The following MAML1 variants were observed in gnomAD, a reference collection of about 807,000 sequenced individuals.
MAML1 encodes the protein mastermind-like protein 1.
In MAML1, 14 loss-of-function variants were observed where a neutral mutation model predicts 77.1. That is an observed-to-expected ratio of 0.18 (90% confidence interval 0.12 to 0.28). MAML1 has a LOEUF of 0.28. Ranked by LOEUF, MAML1 falls within the 10% of genes least tolerant of loss-of-function variation. The pLI, the probability that MAML1 is intolerant of heterozygous loss-of-function variation, is 1.00. For synonymous variants in MAML1, 516 were observed against 551.9 expected (o/e 0.93, Z 0.91); for missense variants, 1,217 against 1,327.8 (o/e 0.92, Z 1.30).
rs1779811225 is a variant in MAML1, at chr5:179,766,045, A to G, written c.1035A>G (p.Gln345=). The G allele has an allele frequency of 6.3e-7, 1 of 1,589,920 alleles. No homozygotes were observed. The highest frequency in any genetic ancestry group is 1.4e-5 in the African/African-American group (1 of 73,734). Residue 345 remains glutamine (Q), a synonymous_variant, in exon 2 of 5, where the codon CAA becomes CAG. Transcript: ENST00000292599. The surrounding 1 kb of genome is among the most constrained non-coding windows in gnomAD (Gnocchi z 4.0). ...ATTCCCCCAGCCTAGGGGGCTCCCA[A>G]ACCTTATTCCACACCTCTGGTCAGC... ...STDSPSLGGS[Q]TLFHTSGQPR...
intron 1 of MAML1, among the ~76,000 whole-genome samples, chr5:179,762,283 G>A (rs1186794291): frequency 6.6e-6 from 1 of 152,152 alleles, no homozygotes; most frequent in Non-Finnish European, 1.5e-5. Flanking sequence ...TGCTGCTTAG[G>A]AGTCCAAAAG....
rs1231447973 is a variant in MAML1, at chr5:179,775,247, CCA to C, written c.*372_*373del. 3.0e-6 allele frequency: 3 copies of C among 1,016,588 alleles called. No homozygotes were observed. The highest frequency in any genetic ancestry group is 5.6e-5 in the Admixed American group (1 of 17,854). 63.0% of individuals were successfully genotyped at this position (1,016,588 alleles called of 1,614,324 possible). ...CATGGTGATTTTATCCAAGACTGCTCCACTTACCCCAGTGCTGGGGACAAGTT... is the reference window on the plus strand; with the variant it reads ...CATGGTGATTTTATCCAAGACTGCTCCTTACCCCAGTGCTGGGGACAAGTT... On this transcript the variant is annotated 3_prime_UTR_variant, in exon 5 of 5. Transcript: ENST00000292599.
chr5:179,773,028 G>C (rs1211247236), intron 4 of MAML1, among the ~76,000 whole-genome samples: 1 of 152,178 alleles, frequency 6.6e-6, no homozygotes, highest in East Asian at 1.9e-4. Flanking sequence ...GTAGCTGGGG[G>C]CGCGCGCCGC....
At chr5:179,763,396 G>A (rs1779756769) in intron 1 of MAML1, among the ~76,000 whole-genome samples, 1 of 151,732 alleles carries the variant, frequency 6.6e-6, no homozygotes, top group Admixed American at 6.6e-5. Flanking sequence ...GCGGTGTTCT[G>A]AATCCTAGGA....
Position 179,766,618 on chromosome 5 carries a change from G to A in MAML1, c.1608G>A (p.Lys536=), listed in dbSNP as rs776975427. 6.2e-7 allele frequency: 1 copy of A among 1,613,448 alleles called. No individual in the cohort carries two copies. The highest frequency in any genetic ancestry group is 1.1e-5 in the South Asian group (1 of 91,044). Residue 536 remains lysine, a synonymous_variant, in exon 2 of 5, where the codon AAG becomes AAA. Transcript: ENST00000292599. This position sits in a 1 kb window ranked among gnomAD's most constrained non-coding sequence, Gnocchi z 4.0. ...GQGSPGSGQS[K]PALMAYLPQQ... The stretch of plus-strand genomic sequence containing the variant: ...GCAGCCCGGGGTCTGGCCAGAGCAA[G>A]CCAGCCCTGATGGCTTATCTTCCCC...
At chr5:179,753,520 A>G (rs1021602872) in intron 1 of MAML1, among the ~76,000 whole-genome samples, 1 of 152,124 alleles carries the variant, frequency 6.6e-6, no homozygotes, top group Non-Finnish European at 1.5e-5. Flanking sequence ...TGAGGAGTAC[A>G]TGCATGTTCT....
At chr5:179,741,409 G>T (rs12522031) in intron 1 of MAML1, among the ~76,000 whole-genome samples, 2,081 of 152,312 alleles carry the variant, frequency 0.014, 41 homozygotes, top group African/African-American at 0.044. Context: ...TCTTGGCCAG[G>T]CGTGGTGGCT....
rs1756144190 is a variant in MAML1, at chr5:179,776,837, G to A, written c.*1960G>A. On this transcript the variant is annotated 3_prime_UTR_variant, in exon 5 of 5. Coordinates refer to ENST00000292599, the MANE Select transcript of MAML1 (RefSeq NM_014757.5). ...ATGTGATTCTTGGGGTCCCCCCAGG[G>A]AGCTGCCCATGGCTTTATTTATGAA... is the stretch of plus-strand genomic sequence containing the variant. 1.0e-6 allele frequency: 1 copy of A among 985,972 alleles called. No homozygotes were observed. Among genetic ancestry groups the A allele is most frequent in the Non-Finnish European group, 1.2e-6 (1 of 830,002 alleles). The allele number at this position is 985,972 out of a possible 1,614,324, so 61.1% of individuals were successfully genotyped here.
rs1428255825 is a variant in MAML1 at position 179,776,635 on chromosome 5, C to G, written c.*1758C>G. 1 of 985,584 alleles carries G rather than the reference C, an allele frequency of 1.0e-6. No individual in the cohort carries two copies. The highest frequency in any genetic ancestry group is 1.7e-5 in the African/African-American group (1 of 57,244). The allele number at this position is 985,584 out of a possible 1,614,324, so 61.1% of individuals were successfully genotyped here. Reference sequence around the variant, plus strand: ...GAAGAGGGTGACCTCAGCGGCTTTTCTCCCAAAAATCGGCTGAAGGCTGGT... The same window carrying G: ...GAAGAGGGTGACCTCAGCGGCTTTTGTCCCAAAAATCGGCTGAAGGCTGGT... On this transcript the variant is annotated 3_prime_UTR_variant, in exon 5 of 5. Coordinates refer to ENST00000292599, the MANE Select transcript of MAML1 (RefSeq NM_014757.5).
At chr5:179,772,131 T>C (rs1033592459) in intron 4 of MAML1, among the ~76,000 whole-genome samples, 12 of 152,218 alleles carry the variant, frequency 7.9e-5, no homozygotes, top group Admixed American at 2.6e-4. Flanking sequence ...TCATTGTTGT[T>C]GTTTTGAAAC....
At position 179,769,569 on chromosome 5, in the gene MAML1, T is replaced by A. The variant is rs1036689956; in HGVS notation, c.1971+480T>A. ...TTACAAGTGAGAGTTCTTTTTTTTT[T>A]TTGGAGACAGAGTCTTGCTGTCACC... On this transcript the variant is annotated intron_variant, in intron 3 of 4. Transcript: ENST00000292599. This position sits in a 1 kb window ranked among gnomAD's most constrained non-coding sequence, Gnocchi z 4.2. Among the ~76,000 whole-genome samples, 6 of 152,122 alleles carry A rather than the reference T, an allele frequency of 3.9e-5. No homozygotes were observed. Among genetic ancestry groups the A allele is most frequent in the African/African-American group, 1.4e-4 (6 of 41,448 alleles).
At chr5:179,770,145 G>A (rs1446850072) in intron 3 of MAML1, among the ~76,000 whole-genome samples, 5 of 152,086 alleles carry the variant, frequency 3.3e-5, no homozygotes, top group Admixed American at 2.6e-4. Context: ...TCTACTTTCT[G>A]TCTCTATAAT....
Position 179,733,171 on chromosome 5 carries a change from T to C in MAML1, c.59T>C (p.Met20Thr). ...EFALPRHSAVMERLRRRIELC... is the reference protein window; with the variant it reads ...EFALPRHSAVTERLRRRIELC... ...GCGCTGCCGCGGCACAGCGCGGTCA[T>C]GGAGCGCCTTCGCCGGCGCATCGAG... is the stretch of plus-strand genomic sequence containing the variant. Residue 20 changes from methionine to threonine, a missense_variant, in exon 1 of 5, where the codon ATG (methionine) becomes ACG (threonine). By Grantham distance (81) the Met-to-Thr change is moderately conservative (BLOSUM62 -1). Around this residue, in one of 3 missense-constraint regions of MAML1, gnomAD observed 312 missense variants for 331.4 expected, o/e 0.94. Transcript: ENST00000292599. The C allele has an allele frequency of 6.8e-7, 1 of 1,469,594 alleles. No individual in the cohort carries two copies. Among genetic ancestry groups the C allele is most frequent in the Non-Finnish European group, 9.0e-7 (1 of 1,113,684 alleles). 91.0% of individuals were successfully genotyped at this position (1,469,594 alleles called of 1,614,324 possible).
chr5:179,760,130 G>T (rs1478096587), intron 1 of MAML1, among the ~76,000 whole-genome samples: 1 of 151,902 alleles, frequency 6.6e-6, no homozygotes, highest in African/African-American at 2.4e-5. Context: ...GTAGGTCTTC[G>T]GATAGACAGA....
Position 179,777,103 on chromosome 5 carries a change from T to C in MAML1, c.*2226T>C. On this transcript the variant is annotated 3_prime_UTR_variant, in exon 5 of 5. Coordinates refer to ENST00000292599, the MANE Select transcript of MAML1 (RefSeq NM_014757.5). ...CTTTATATGTGTGTTTTGGGGGAGC[T>C]ATGATAAGTTTTATGGCAAACGGTT... The C allele has an allele frequency of 1.0e-6, 1 of 985,678 alleles. No homozygotes were observed. The highest frequency in any genetic ancestry group is 1.2e-6 in the Non-Finnish European group (1 of 829,762). The allele number at this position is 985,678 out of a possible 1,614,324, so 61.1% of individuals were successfully genotyped here.
chr5:179,736,441 C>T (rs1001244460), intron 1 of MAML1, among the ~76,000 whole-genome samples: 3 of 151,610 alleles, frequency 2.0e-5, no homozygotes, highest in South Asian at 2.1e-4. Flanking sequence ...TTAGTAGAGA[C>T]GGGGTTTCAC....
Position 179,775,342 on chromosome 5 carries a change from T to G in MAML1, c.*465T>G. On this transcript the variant is annotated 3_prime_UTR_variant, in exon 5 of 5. Transcript: ENST00000292599. ...CATAGAAAAGATTTTTAAATTTTTTTACAAAAGGTTTTTAAACAGATTAGG... is the reference window on the plus strand; with the variant it reads ...CATAGAAAAGATTTTTAAATTTTTTGACAAAAGGTTTTTAAACAGATTAGG... The G allele has an allele frequency of 3.0e-6, 3 of 986,288 alleles. No homozygotes were observed. Among genetic ancestry groups the G allele is most frequent in the Non-Finnish European group, 3.6e-6 (3 of 830,480 alleles). 61.1% of individuals were successfully genotyped at this position (986,288 alleles called of 1,614,324 possible).
chr5:179,733,151 G>C lies in MAML1; in HGVS notation c.39G>C (p.Leu13=). 1 of 1,454,136 alleles carries C rather than the reference G, an allele frequency of 6.9e-7. No homozygotes were observed. Among genetic ancestry groups the C allele is most frequent in the East Asian group, 3.1e-5 (1 of 31,944 alleles). 90.1% of individuals were successfully genotyped at this position (1,454,136 alleles called of 1,614,324 possible). The part of the protein sequence containing the change: ...LPTCPMAEFA[L]PRHSAVMERL... ...CCTGCCCCATGGCGGAGTTCGCGCT[G>C]CCGCGGCACAGCGCGGTCATGGAGC... The change falls in exon 1 of 5, where the codon CTG becomes CTC. Residue 13 remains leucine, a synonymous_variant. Coordinates refer to ENST00000292599, the MANE Select transcript of MAML1 (RefSeq NM_014757.5).
At position 179,774,952 on chromosome 5, in the gene MAML1, C is replaced by G; in HGVS notation, c.*75C>G. 1 of 1,513,094 alleles carries G rather than the reference C, an allele frequency of 6.6e-7. No homozygotes were observed. Among genetic ancestry groups the G allele is most frequent in the Non-Finnish European group, 8.8e-7 (1 of 1,137,112 alleles). 93.7% of individuals were successfully genotyped at this position (1,513,094 alleles called of 1,614,324 possible). On this transcript the variant is annotated 3_prime_UTR_variant, in exon 5 of 5. Coordinates refer to ENST00000292599, the MANE Select transcript of MAML1 (RefSeq NM_014757.5). ...CTCAGATTCAAAGAAAGAGCAACTACTTTGGACCAAAAGCCCATGGCCTGG... is the reference window on the plus strand; with the variant it reads ...CTCAGATTCAAAGAAAGAGCAACTAGTTTGGACCAAAAGCCCATGGCCTGG...
Sources: gnomAD v4.1 joint callset for allele counts (sites outside exome capture counted in the v4.1 genomes callset) on GRCh38, gnomAD v4.1.1 for gene constraint, gnomAD v4.1.1 regional missense constraint, Gnocchi (gnomAD v3.1) non-coding constraint, MANE v1.5 for transcripts, NCBI Gene and HGNC (gene_info 2026-07-23, HGNC 2026-07-21) for gene names.